GATAD2B: variants seen among roughly 807,000 people sequenced by gnomAD.
The protein encoded by GATAD2B is transcriptional repressor p66-beta.
A neutral mutation model predicts 64.3 loss-of-function variants in GATAD2B; 8 were observed. The ratio of observed to expected loss-of-function variants is 0.12; its 90% CI spans 0.07 to 0.22. The LOEUF (loss-of-function observed/expected upper bound fraction) is 0.22, where lower values mean the gene tolerates loss of function less well. GATAD2B is among the 10% of genes least tolerant of loss of function. The probability of loss-of-function intolerance (pLI) is 1.00; values close to 1 mark genes in which losing one functional copy is unlikely to be tolerated. For missense variants in GATAD2B, 453 were observed against 752.0 expected, an observed-to-expected ratio of 0.60 and a Z score of 4.65; for synonymous variants, 281 against 271.3, an observed-to-expected ratio of 1.04 and a Z score of -0.35.
intron 10 of GATAD2B, 121 bp downstream of exon 10, chr1:153,811,610 G>A: frequency 1.3e-6 from 1 of 744,010 alleles, no homozygotes; most frequent in South Asian, 1.5e-5. Flanking sequence ...AAGAGTGAGA[G>A]TGTATGCCCT....
At chr1:153,849,600 A>G (rs1463678039) in intron 1 of GATAD2B, among the ~76,000 whole-genome samples, 4 of 152,110 alleles carry the variant, frequency 2.6e-5, no homozygotes, top group African/African-American at 7.2e-5. Context: ...AAACTCTATC[A>G]GCATTACCTT....
At chr1:153,897,683 C>T (rs1311591322) in intron 1 of GATAD2B, among the ~76,000 whole-genome samples, 1 of 152,020 alleles carries the variant, frequency 6.6e-6, no homozygotes, top group East Asian at 1.9e-4. Context: ...GAATTTATGT[C>T]TTCTAAAAAT....
intron 1 of GATAD2B, among the ~76,000 whole-genome samples, chr1:153,909,270 G>A (rs1254272011): frequency 1.3e-5 from 2 of 151,814 alleles, no homozygotes; most frequent in East Asian, 3.9e-4. Flanking sequence ...CTGGAGTACA[G>A]TGGCGCAATC....
At chr1:153,877,673 T>C (rs1453157856) in intron 1 of GATAD2B, among the ~76,000 whole-genome samples, 1 of 151,176 alleles carries the variant, frequency 6.6e-6, no homozygotes, top group East Asian at 1.9e-4. Context: ...AGCTCAAGAG[T>C]TCCAGACCAG....
intron 7 of GATAD2B, among the ~76,000 whole-genome samples, chr1:153,815,604 A>G (rs1674451295): frequency 1.3e-5 from 2 of 152,202 alleles, no homozygotes; most frequent in African/African-American, 4.8e-5. Flanking sequence ...CAAGATAGAT[A>G]AAATCCAAAT....
chr1:153,833,878 A>G (rs572033318), intron 1 of GATAD2B, among the ~76,000 whole-genome samples: 31 of 151,996 alleles, frequency 2.0e-4, no homozygotes, highest in Admixed American at 3.9e-4. Context: ...GGTGGCTCAC[A>G]AAAGTAATTC....
intron 1 of GATAD2B, among the ~76,000 whole-genome samples, chr1:153,851,033 T>C (rs1557803186): frequency 1.3e-5 from 2 of 152,026 alleles, no homozygotes; most frequent in Admixed American, 1.3e-4. Flanking sequence ...ATAGGTACAG[T>C]GTTGTATGGC....
chr1:153,825,224 G>C (rs1674829188), intron 2 of GATAD2B, among the ~76,000 whole-genome samples: 1 of 152,212 alleles, frequency 6.6e-6, no homozygotes. Context: ...AAGGGTAAGA[G>C]AGATTATAAA....
chr1:153,858,377 C>T (rs1676160506), intron 1 of GATAD2B, among the ~76,000 whole-genome samples: 1 of 151,950 alleles, frequency 6.6e-6, no homozygotes, highest in African/African-American at 2.4e-5. Context: ...ATGGCAAAAC[C>T]CCATGTCTAC....
intron 1 of GATAD2B, among the ~76,000 whole-genome samples, chr1:153,865,510 A>AC (rs2101924977): frequency 6.6e-6 from 1 of 152,256 alleles, no homozygotes; most frequent in Admixed American, 6.5e-5. Flanking sequence ...AATGACCAGG[A>AC]CACTCCCCTT....
rs1353437778 is a variant in GATAD2B at position 153,829,282 on chromosome 1, T to C, written c.-1-934A>G. On this transcript the variant is annotated intron_variant, in intron 1 of 10. Coordinates refer to ENST00000368655, the MANE Select transcript of GATAD2B (RefSeq NM_020699.4). ...AACACTTTCAAATCCAGGTTTGTTG[T>C]CCTGGTAGGAAACAGCAAAGATAAA... Among the ~76,000 whole-genome samples, 3 of 152,324 alleles carry C rather than the reference T, an allele frequency of 2.0e-5. No homozygotes were observed. In the South Asian group the frequency reaches 6.2e-4, roughly 32 times the overall value.
chr1:153,903,214 T>C (rs905041458), intron 1 of GATAD2B, among the ~76,000 whole-genome samples: 2 of 148,164 alleles, frequency 1.3e-5, no homozygotes, highest in Non-Finnish European at 3.0e-5. Flanking sequence ...CGAGACTCCA[T>C]CTCAAAAAAA....
chr1:153,909,652 G>A (rs1286792778), intron 1 of GATAD2B, among the ~76,000 whole-genome samples: 1 of 151,320 alleles, frequency 6.6e-6, no homozygotes, highest in African/African-American at 2.4e-5. Flanking sequence ...ACAAAATTTG[G>A]CCAGGCGTGG....
Position 153,817,548 on chromosome 1 carries a change from G to A in GATAD2B, c.730-6C>T, listed in dbSNP as rs781056320. On this transcript the variant is annotated splice_region_variant and splice_polypyrimidine_tract_variant and intron_variant, in intron 5 of 10. Coordinates refer to ENST00000368655, the MANE Select transcript of GATAD2B (RefSeq NM_020699.4). ...GAACGGATGACACTGTGACCCTGGA[G>A]GGGAAGAAGAGGAAAAGAACTAATC... The A allele has an allele frequency of 1.9e-6, 3 of 1,579,172 alleles. No homozygotes were observed. The highest frequency in any genetic ancestry group is 4.5e-5 in the East Asian group (2 of 44,594).
chr1:153,868,131 G>T (rs1557813333), intron 1 of GATAD2B, among the ~76,000 whole-genome samples: 1 of 152,138 alleles, frequency 6.6e-6, no homozygotes, highest in Non-Finnish European at 1.5e-5. Context: ...AACCCGGGAG[G>T]GAGGAGGTTG....
At chr1:153,864,519 A>C (rs1032569936) in intron 1 of GATAD2B, among the ~76,000 whole-genome samples, 8 of 152,250 alleles carry the variant, frequency 5.3e-5, no homozygotes, top group Non-Finnish European at 4.4e-5. Flanking sequence ...TGGAATGCTG[A>C]GACAGGAGGA....
At chr1:153,921,900 T>A (rs1678445922) in intron 1 of GATAD2B, 2 of 152,150 alleles carry the variant, frequency 1.3e-5, no homozygotes, top group South Asian at 4.1e-4. Context: ...TGCACTCGCA[T>A]GAGTGGCTCG....
chr1:153,835,149 T>A (rs1675221663), intron 1 of GATAD2B, among the ~76,000 whole-genome samples: 2 of 152,022 alleles, frequency 1.3e-5, no homozygotes, highest in Non-Finnish European at 2.9e-5. Flanking sequence ...TTTGAATGGA[T>A]AAGGAGTTGC....
intron 2 of GATAD2B, among the ~76,000 whole-genome samples, chr1:153,822,563 A>C (rs917578938): frequency 5.9e-5 from 9 of 152,160 alleles, no homozygotes; most frequent in Non-Finnish European, 1.3e-4. Flanking sequence ...CCGGGGCTGG[A>C]GGGCAATGGT....
Sources: gnomAD v4.1 joint callset for allele counts (sites outside exome capture counted in the v4.1 genomes callset) on GRCh38, gnomAD v4.1.1 for gene constraint, MANE v1.5 for transcripts, NCBI Gene and HGNC (gene_info 2026-07-23, HGNC 2026-07-21) for gene names.